Variants in RAD54L2 observed in about 807,000 individuals in gnomAD.
RAD54L2 encodes the protein RAD54 like 2, also known as helicase ARIP4.
RAD54L2 carries 27 observed loss-of-function variants against 138.4 expected under a neutral mutation model. The ratio of observed to expected loss-of-function variants is 0.20; its 90% CI spans 0.14 to 0.27. RAD54L2 has a LOEUF of 0.27. Among genes scored for constraint, RAD54L2 ranks in the 10% least tolerant of loss-of-function variants. The pLI is 1.00. For synonymous variants in RAD54L2, 644 were observed against 723.2 expected (o/e 0.89, Z 1.76); for missense variants, 1,396 against 1,890.2 (o/e 0.74, Z 4.85).
At position 51,645,203 on chromosome 3, in the gene RAD54L2, G is replaced by A. The variant is rs867828379; in HGVS notation, c.2630G>A (p.Arg877His). 8 of 1,612,966 alleles carry A rather than the reference G, an allele frequency of 5.0e-6. No homozygotes were observed. The highest frequency in any genetic ancestry group is 1.3e-5 in the African/African-American group (1 of 74,912). Residue 877 changes from arginine (R) to histidine (H), a missense_variant, in exon 17 of 23, where the codon CGT becomes CAT. This residue lies in a region of RAD54L2 where 78 missense variants were observed against 171.6 expected (regional missense o/e 0.45). Transcript: ENST00000684192. The surrounding 1 kb of genome is among the most constrained non-coding windows in gnomAD (Gnocchi z 6.1). ...DYTLEKKIYD[R>H]QISKQGMSDR... is the part of the protein sequence containing the mutation. The stretch of plus-strand genomic sequence containing the variant: ...ACTCTAGAAAAGAAGATCTATGACC[G>A]TCAGATTTCCAAGCAGGGCATGTCA...
chr3:51,645,480 C>A lies in RAD54L2; in HGVS notation c.2657-111C>A. 8.7e-7 allele frequency: 1 copy of A among 1,150,180 alleles called. No individual in the cohort carries two copies. Among genetic ancestry groups the A allele is most frequent in the South Asian group, 1.6e-5 (1 of 61,030 alleles). 71.2% of individuals were successfully genotyped at this position (1,150,180 alleles called of 1,614,324 possible). On this transcript the variant is annotated intron_variant, in intron 17 of 22. Coordinates refer to ENST00000684192, the MANE Select transcript of RAD54L2 (RefSeq NM_015106.4). This position sits in a 1 kb window ranked among gnomAD's most constrained non-coding sequence, Gnocchi z 6.1. The stretch of plus-strand genomic sequence containing the variant: ...TATATGATGTTTCCAGTGTCACCAG[C>A]ACCTCAGACCTAGTCTTTGACTTTC...
intron 2 of RAD54L2, among the ~76,000 whole-genome samples, chr3:51,543,628 G>T (rs1255523229): frequency 1.4e-5 from 2 of 143,632 alleles, no homozygotes; most frequent in Non-Finnish European, 3.0e-5. Context: ...AAAAAAAAAA[G>T]AGTAAATAAT....
At chr3:51,632,655 A>G (rs987294924) in intron 7 of RAD54L2, among the ~76,000 whole-genome samples, 62 of 146,162 alleles carry the variant, frequency 4.2e-4, no homozygotes, top group African/African-American at 1.4e-3. Flanking sequence ...GCGCTTTGGG[A>G]GGCCGAGGTG....
At chr3:51,650,474 AG>A (rs1430503641) in intron 19 of RAD54L2, among the ~76,000 whole-genome samples, 7 of 152,370 alleles carry the variant, frequency 4.6e-5, no homozygotes, top group African/African-American at 1.7e-4. Context: ...CCAAATCAAT[AG>A]AATACACATT....
At chr3:51,558,408 C>A (rs557582625) in intron 2 of RAD54L2, among the ~76,000 whole-genome samples, 26 of 152,072 alleles carry the variant, frequency 1.7e-4, no homozygotes, top group African/African-American at 6.3e-4. Context: ...TCTTAAATAT[C>A]AATTTCATTT....
chr3:51,662,381 C>CT lies in RAD54L2; in HGVS notation c.3410-44dup, dbSNP rs563572095. 335 of 1,464,640 alleles carry CT rather than the reference C, an allele frequency of 2.3e-4. 3 individuals carry two copies. In the Middle Eastern group the frequency reaches 8.8e-3, roughly 38 times the overall value. The allele number at this position is 1,464,640 out of a possible 1,614,324, so 90.7% of individuals were successfully genotyped here. Reference sequence around the variant, plus strand: ...GAGTTTTCTCCTCTACCCTTCTTCTCTCCCTGGCCACTCTGATTCTCAGTT... The same window carrying CT: ...GAGTTTTCTCCTCTACCCTTCTTCTCTTCCCTGGCCACTCTGATTCTCAGTT... On this transcript the variant is annotated intron_variant, in intron 22 of 22. Transcript: ENST00000684192. This position sits in a 1 kb window ranked among gnomAD's most constrained non-coding sequence, Gnocchi z 4.6.
chr3:51,615,884 A>C (rs1416611460), intron 3 of RAD54L2, among the ~76,000 whole-genome samples: 1 of 152,214 alleles, frequency 6.6e-6, no homozygotes, highest in African/African-American at 2.4e-5. Flanking sequence ...TTTATTCTTA[A>C]CATTATTTTT....
At chr3:51,568,993 C>T (rs1244990635) in intron 2 of RAD54L2, among the ~76,000 whole-genome samples, 2 of 152,162 alleles carry the variant, frequency 1.3e-5, no homozygotes, top group Non-Finnish European at 2.9e-5. Context: ...ATGGGGTCAG[C>T]ATTCCAAAGT....
At chr3:51,627,200 T>C (rs1461587229) in intron 3 of RAD54L2, among the ~76,000 whole-genome samples, 1 of 152,204 alleles carries the variant, frequency 6.6e-6, no homozygotes, top group Non-Finnish European at 1.5e-5. Flanking sequence ...ATTTGGAGCC[T>C]AGCTGCTCAG....
At chr3:51,599,953 CG>C (rs1700045709) in intron 3 of RAD54L2, among the ~76,000 whole-genome samples, 1 of 144,316 alleles carries the variant, frequency 6.9e-6, no homozygotes, top group Non-Finnish European at 1.5e-5. Flanking sequence ...TTTTTTGAGA[CG>C]GAGCCTCACC....
intron 2 of RAD54L2, among the ~76,000 whole-genome samples, chr3:51,583,651 T>C (rs893001103): frequency 1.3e-5 from 2 of 150,010 alleles, no homozygotes; most frequent in African/African-American, 4.9e-5. Context: ...GATCTTGAAC[T>C]CCCGACCTCA....
chr3:51,543,957 C>T (rs1468018644), intron 2 of RAD54L2, among the ~76,000 whole-genome samples: 1 of 152,156 alleles, frequency 6.6e-6, no homozygotes, highest in Admixed American at 6.6e-5. Flanking sequence ...TTCTGTATGA[C>T]ATTGGAGTCT....
At chr3:51,640,097 T>A in intron 14 of RAD54L2, 98 bp downstream of exon 14, 2 of 848,938 alleles carry the variant, frequency 2.4e-6, no homozygotes, top group South Asian at 3.4e-5. Context: ...CTCCCCCAAG[T>A]GCTATTGTGA....
chr3:51,579,820 T>C (rs1419405800), intron 2 of RAD54L2, among the ~76,000 whole-genome samples: 1 of 152,190 alleles, frequency 6.6e-6, no homozygotes, highest in African/African-American at 2.4e-5. Context: ...TTCCACAGTT[T>C]ATTTTTACAC....
At chr3:51,542,116 G>A (rs184810116) in intron 2 of RAD54L2, among the ~76,000 whole-genome samples, 1 of 152,230 alleles carries the variant, frequency 6.6e-6, no homozygotes, top group Non-Finnish European at 1.5e-5. Flanking sequence ...ACTTTTTCTT[G>A]CTCAATTTTT....
intron 2 of RAD54L2, among the ~76,000 whole-genome samples, chr3:51,545,737 G>A (rs1698675746): frequency 6.6e-6 from 1 of 151,680 alleles, no homozygotes; most frequent in African/African-American, 2.4e-5. Flanking sequence ...GCATGACCTT[G>A]CCTGGCTAAT....
At chr3:51,546,107 T>C (rs1432024424) in intron 2 of RAD54L2, among the ~76,000 whole-genome samples, 1 of 151,312 alleles carries the variant, frequency 6.6e-6, no homozygotes, top group African/African-American at 2.4e-5. Flanking sequence ...CCTGGCTAAT[T>C]TTTGTATTTT....
rs1186166481 is a variant in RAD54L2, at chr3:51,664,697, AAAC to A, written c.*1281_*1283del. 6.6e-6 allele frequency: 1 copy of A among 152,196 alleles called. No individual in the cohort carries two copies. Among genetic ancestry groups the A allele is most frequent in the African/African-American group, 2.4e-5 (1 of 41,446 alleles). 9.4% of individuals were successfully genotyped at this position (152,196 alleles called of 1,614,324 possible). ...GTTAGGTTTGACCAAGGTTTGGATT[AAAC>A]AACTATATTTTTGAGAGATGGCTTT... On this transcript the variant is annotated 3_prime_UTR_variant, in exon 23 of 23. Transcript: ENST00000684192.
At chr3:51,631,649 C>T (rs981398610) in intron 7 of RAD54L2, among the ~76,000 whole-genome samples, 7 of 151,052 alleles carry the variant, frequency 4.6e-5, no homozygotes, top group Non-Finnish European at 1.0e-4. Context: ...TGGCTGAAAA[C>T]TCTTTGTTTT....
Sources: allele counts gnomAD v4.1 joint callset (sites outside exome capture counted in the v4.1 genomes callset), GRCh38; gene constraint gnomAD v4.1.1; regional missense constraint gnomAD v4.1.1; non-coding constraint Gnocchi (gnomAD v3.1); transcripts MANE v1.5; gene names NCBI Gene and HGNC (gene_info 2026-07-23, HGNC 2026-07-21).